Variants in KCTD8 observed in about 807,000 individuals in gnomAD.
KCTD8 encodes the protein BTB/POZ domain-containing protein KCTD8.
KCTD8 carries 27 observed loss-of-function variants against 31.5 expected under a neutral mutation model. That is an observed-to-expected ratio of 0.86 (90% confidence interval 0.63 to 1.18). KCTD8 has a LOEUF of 1.18. KCTD8 is among the 50% of genes most tolerant of loss of function. KCTD8 has a pLI of 0.00. For missense variants in KCTD8, 658 were observed against 647.7 expected, an observed-to-expected ratio of 1.02 and a Z score of -0.17; for synonymous variants, 290 against 280.0, an observed-to-expected ratio of 1.04 and a Z score of -0.36.
At chr4:44,283,194 C>T in intron 1 of KCTD8, among the ~76,000 whole-genome samples, 1 of 151,880 alleles carries the variant, frequency 6.6e-6, no homozygotes, top group South Asian at 2.1e-4. Flanking sequence ...GGATTACGGG[C>T]ATATGCCACC....
At chr4:44,341,895 TAGG>T (rs1433786606) in intron 1 of KCTD8, among the ~76,000 whole-genome samples, 1 of 152,180 alleles carries the variant, frequency 6.6e-6, no homozygotes, top group Non-Finnish European at 1.5e-5. Flanking sequence ...CTCAGATCTA[TAGG>T]AGGAGTCACT....
chr4:44,400,456 C>T (rs1162962768), intron 1 of KCTD8, among the ~76,000 whole-genome samples: 1 of 151,850 alleles, frequency 6.6e-6, no homozygotes, highest in African/African-American at 2.4e-5. Context: ...ACCAGCCAGG[C>T]ACGATGGCTC....
At chr4:44,263,685 A>G (rs1359300312) in intron 1 of KCTD8, among the ~76,000 whole-genome samples, 8 of 152,204 alleles carry the variant, frequency 5.3e-5, no homozygotes, top group Non-Finnish European at 1.5e-5. Flanking sequence ...AGCTGTTATT[A>G]GGATTAGTGA....
chr4:44,268,546 C>T (rs915189396), intron 1 of KCTD8, among the ~76,000 whole-genome samples: 1 of 151,980 alleles, frequency 6.6e-6, no homozygotes, highest in African/African-American at 2.4e-5. Flanking sequence ...CTGGCCAGGG[C>T]AATTAGGCAG....
Position 44,240,831 on chromosome 4 carries a change from G to A in KCTD8, c.962-65581C>T, listed in dbSNP as rs536746418. ...AAAATAACACATTTAGGGCTGCGCAGAGTTTACATAGCACCAGTGGCTATT... is the reference window on the plus strand; with the variant it reads ...AAAATAACACATTTAGGGCTGCGCAAAGTTTACATAGCACCAGTGGCTATT... On this transcript the variant is annotated intron_variant, in intron 1 of 1. Transcript: ENST00000360029. 1.4e-4 allele frequency among the ~76,000 whole-genome samples: 21 copies of A among 152,318 alleles called. 2 individuals are homozygous for A. In the South Asian group the frequency reaches 4.1e-3, roughly 30 times the overall value.
At chr4:44,368,115 G>A (rs1560437622) in intron 1 of KCTD8, among the ~76,000 whole-genome samples, 3 of 152,104 alleles carry the variant, frequency 2.0e-5, no homozygotes, top group Non-Finnish European at 4.4e-5. Flanking sequence ...GGTGGCTCAT[G>A]CCTGTAATCT....
chr4:44,345,957 G>A (rs547388486), intron 1 of KCTD8, among the ~76,000 whole-genome samples: 44 of 152,046 alleles, frequency 2.9e-4, no homozygotes, highest in Non-Finnish European at 6.2e-4. Context: ...TACAATGAAA[G>A]AAATACAAGA....
chr4:44,207,224 A>G (rs901406757), intron 1 of KCTD8, among the ~76,000 whole-genome samples: 2 of 152,234 alleles, frequency 1.3e-5, no homozygotes, highest in African/African-American at 4.8e-5. Context: ...TAAATATTGT[A>G]AAATAAATTA....
chr4:44,342,117 A>C (rs1255240045), intron 1 of KCTD8, among the ~76,000 whole-genome samples: 3 of 152,190 alleles, frequency 2.0e-5, no homozygotes, highest in Non-Finnish European at 4.4e-5. Context: ...CATGCCTGTA[A>C]TCCCAGCATT....
At chr4:44,205,502 A>C (rs1407505903) in intron 1 of KCTD8, among the ~76,000 whole-genome samples, 1 of 152,250 alleles carries the variant, frequency 6.6e-6, no homozygotes, top group African/African-American at 2.4e-5. Context: ...TATATGCAAT[A>C]AAACTATTAA....
chr4:44,373,932 A>G (rs969325944), intron 1 of KCTD8, among the ~76,000 whole-genome samples: 2 of 152,202 alleles, frequency 1.3e-5, no homozygotes, highest in African/African-American at 4.8e-5. Flanking sequence ...CACTCATCAC[A>G]TTAAAAGATC....
At chr4:44,188,125 C>T (rs1360559108) in intron 1 of KCTD8, among the ~76,000 whole-genome samples, 1 of 152,134 alleles carries the variant, frequency 6.6e-6, no homozygotes, top group Non-Finnish European at 1.5e-5. Context: ...TAAGTGCCTG[C>T]CTGCCAATAA....
At chr4:44,229,137 A>G (rs1198539520) in intron 1 of KCTD8, among the ~76,000 whole-genome samples, 1 of 152,158 alleles carries the variant, frequency 6.6e-6, no homozygotes, top group Non-Finnish European at 1.5e-5. Flanking sequence ...AAGAAGGTGT[A>G]TATAAAATAC....
chr4:44,350,558 A>C (rs954273284), intron 1 of KCTD8, among the ~76,000 whole-genome samples: 5 of 152,210 alleles, frequency 3.3e-5, no homozygotes, highest in African/African-American at 9.6e-5. Context: ...AAAGTATTTT[A>C]ATTTAACATC....
At chr4:44,214,357 C>T (rs1488440658) in intron 1 of KCTD8, among the ~76,000 whole-genome samples, 1 of 152,166 alleles carries the variant, frequency 6.6e-6, no homozygotes, top group Non-Finnish European at 1.5e-5. Context: ...CTCTGTCTCT[C>T]GTTTCCGTCT....
intron 1 of KCTD8, among the ~76,000 whole-genome samples, chr4:44,200,066 A>C (rs2109338765): frequency 6.6e-6 from 1 of 152,136 alleles, no homozygotes; most frequent in Non-Finnish European, 1.5e-5. Context: ...GGAAATAGAC[A>C]AATTCCTGGA....
intron 1 of KCTD8, among the ~76,000 whole-genome samples, chr4:44,446,102 C>T (rs1721932341): frequency 1.3e-5 from 2 of 152,176 alleles, no homozygotes; most frequent in South Asian, 4.1e-4. Flanking sequence ...TCCAGCATTA[C>T]TTTAAAAAGT....
At chr4:44,291,657 C>T (rs533737158) in intron 1 of KCTD8, among the ~76,000 whole-genome samples, 1 of 152,022 alleles carries the variant, frequency 6.6e-6, no homozygotes, top group African/African-American at 2.4e-5. Flanking sequence ...TTCTATACAG[C>T]AAGAGAAATG....
chr4:44,321,433 G>A (rs1264475001), intron 1 of KCTD8, among the ~76,000 whole-genome samples: 3 of 152,134 alleles, frequency 2.0e-5, no homozygotes, highest in Middle Eastern at 3.2e-3. Flanking sequence ...CTAATCCAAA[G>A]GGGATCACTG....
Sources: gnomAD v4.1 joint callset for allele counts (sites outside exome capture counted in the v4.1 genomes callset) on GRCh38, gnomAD v4.1.1 for gene constraint, MANE v1.5 for transcripts, NCBI Gene and HGNC (gene_info 2026-07-23, HGNC 2026-07-21) for gene names.